The following NALCN variants were observed in gnomAD, a reference collection of about 807,000 sequenced individuals.
NALCN encodes the protein sodium leak channel NALCN.
Under a neutral mutation model 225.3 loss-of-function variants are expected in NALCN, and 111 were observed. The ratio of observed to expected loss-of-function variants is 0.49; its 90% confidence interval spans 0.42 to 0.58. The LOEUF (loss-of-function observed/expected upper bound fraction) is 0.58, where lower values mean the gene tolerates loss of function less well. Ranked by LOEUF, NALCN falls within the 20% of genes least tolerant of loss-of-function variation. The pLI is 0.00. For synonymous variants in NALCN, 764 were observed against 769.0 expected, an observed-to-expected ratio of 0.99 and a Z score of 0.11; for missense variants, 1,378 against 2,202.4, an observed-to-expected ratio of 0.63 and a Z score of 7.49.
At chr13:101,414,446 T>C (rs1028181475) in intron 1 of NALCN, among the ~76,000 whole-genome samples, 9 of 152,204 alleles carry the variant, frequency 5.9e-5, no homozygotes, top group Non-Finnish European at 1.0e-4. Flanking sequence ...GGGATAAATT[T>C]ATACAGCTAT....
At chr13:101,143,469 C>CTTTT (rs71292843) in intron 16 of NALCN, among the ~76,000 whole-genome samples, 3 of 147,252 alleles carry the variant, frequency 2.0e-5, no homozygotes, top group Non-Finnish European at 3.0e-5. Context: ...TTTTTTGAAT[C>CTTTT]TTTTTTTTTT....
chr13:101,188,371 A>G lies in NALCN; in HGVS notation c.1764+3546T>C, dbSNP rs550861241. ...TAAGGAGGGAAACACATGACCATGT[A>G]TAACTTGGCCCCAGCATGGACTTAT... On this transcript the variant is annotated intron_variant, in intron 14 of 43. Coordinates refer to ENST00000251127, the MANE Select transcript of NALCN (RefSeq NM_052867.4). 3.6e-3 allele frequency among the ~76,000 whole-genome samples: 546 copies of G among 152,268 alleles called. 3 individuals carry two copies. The highest frequency in any genetic ancestry group is 7.0e-3 in the Admixed American group (107 of 15,288).
intron 27 of NALCN, among the ~76,000 whole-genome samples, chr13:101,098,624 A>G (rs1182035994): frequency 6.6e-6 from 1 of 152,176 alleles, no homozygotes; most frequent in Non-Finnish European, 1.5e-5. Context: ...GCAGCAACTG[A>G]AGCTTCGTTG....
At chr13:101,235,392 C>A (rs958105833) in intron 12 of NALCN, among the ~76,000 whole-genome samples, 8 of 152,072 alleles carry the variant, frequency 5.3e-5, no homozygotes, top group African/African-American at 1.9e-4. Flanking sequence ...TAGGCAACAC[C>A]AATTTTCTTA....
intron 20 of NALCN, among the ~76,000 whole-genome samples, chr13:101,109,374 T>C (rs1362584430): frequency 4.6e-5 from 7 of 152,324 alleles, no homozygotes; most frequent in Non-Finnish European, 7.4e-5. Flanking sequence ...GGTGTTCTCA[T>C]TGCCAACTTC....
intron 1 of NALCN, among the ~76,000 whole-genome samples, chr13:101,399,405 A>G (rs1459541377): frequency 1.3e-5 from 2 of 152,226 alleles, no homozygotes; most frequent in Non-Finnish European, 2.9e-5. Context: ...TTTAGAGGCT[A>G]GCTATTTAGA....
rs200569383 is a variant in NALCN, at chr13:101,059,914, T to C, written c.4809A>G (p.Gln1603=). The part of the protein sequence containing the change: ...IIHSLRESQQ[Q]ELSRFLNPPS... ...GCGGGTTCAGAAACCGGCTCAGCTC[T>C]TGCTGCTGACTCTCTCTCAGGCTGT... Residue 1603 remains glutamine, a synonymous_variant, in exon 42 of 44, where the codon CAA becomes CAG. Coordinates refer to ENST00000251127, the MANE Select transcript of NALCN (RefSeq NM_052867.4). 2 of 1,614,120 alleles carry C rather than the reference T, an allele frequency of 1.2e-6. No homozygotes were observed. The highest frequency in any genetic ancestry group is 4.5e-5 in the East Asian group (2 of 44,864).
chr13:101,309,218 T>G (rs1566559412), intron 7 of NALCN, among the ~76,000 whole-genome samples: 2 of 152,176 alleles, frequency 1.3e-5, no homozygotes, highest in African/African-American at 4.8e-5. Context: ...GGCAAAGTCT[T>G]AAGAATAATA....
intron 7 of NALCN, among the ~76,000 whole-genome samples, chr13:101,309,381 G>C (rs187979483): frequency 1.0e-3 from 159 of 152,260 alleles, no homozygotes; most frequent in South Asian, 1.2e-3. Flanking sequence ...GCAAGTTTTT[G>C]CAAGTGCTTT....
At chr13:101,167,081 C>T (rs61974008) in intron 15 of NALCN, among the ~76,000 whole-genome samples, 36,788 of 152,030 alleles carry the variant, frequency 0.24, 5,229 homozygotes, top group Non-Finnish European at 0.32. Context: ...TATATGTGTG[C>T]CTTTATGCCA....
At chr13:101,198,397 C>G (rs1176342703) in intron 13 of NALCN, among the ~76,000 whole-genome samples, 1 of 152,168 alleles carries the variant, frequency 6.6e-6, no homozygotes, top group East Asian at 1.9e-4. Flanking sequence ...ACTCATCTGA[C>G]AAAGGGCTAA....
intron 13 of NALCN, among the ~76,000 whole-genome samples, chr13:101,227,898 G>A (rs2080323519): frequency 1.3e-5 from 2 of 152,218 alleles, no homozygotes. Context: ...CTGTTCCTGT[G>A]ATGGGAATCC....
intron 18 of NALCN, among the ~76,000 whole-genome samples, chr13:101,111,789 A>G (rs941279190): frequency 6.6e-6 from 1 of 152,080 alleles, no homozygotes; most frequent in African/African-American, 2.4e-5. Context: ...GTCTGCTATG[A>G]TTGTGAGGCC....
At chr13:101,193,003 A>T (rs1274137091) in intron 13 of NALCN, among the ~76,000 whole-genome samples, 1 of 152,140 alleles carries the variant, frequency 6.6e-6, no homozygotes, top group African/African-American at 2.4e-5. Context: ...AAAGTCCAGG[A>T]TAATGCAAGG....
intron 6 of NALCN, among the ~76,000 whole-genome samples, chr13:101,376,290 T>C (rs967960065): frequency 6.6e-6 from 1 of 152,168 alleles, no homozygotes; most frequent in Non-Finnish European, 1.5e-5. Context: ...ATTTGCTTAA[T>C]CTACTTTTCC....
At position 101,387,252 on chromosome 13, in the gene NALCN, A is replaced by AAAAAAAAAT. The variant is rs58578868; in HGVS notation, c.291+7930_291+7931insATTTTTTTT. On this transcript the variant is annotated intron_variant, in intron 3 of 43. Transcript: ENST00000251127. ...CAAAAAAAAAAAAAAAAAAAAAAAA[A>AAAAAAAAAT]AACAGGTTAGCATTTCGCAAATCAC... 4.3e-5 allele frequency among the ~76,000 whole-genome samples: 5 copies of AAAAAAAAAT among 116,778 alleles called. 1 individual carries two copies. Among genetic ancestry groups the AAAAAAAAAT allele is most frequent in the African/African-American group, 1.8e-4 (5 of 28,162 alleles). 76.6% of individuals were successfully genotyped at this position (116,778 alleles called of 152,430 possible). A position where few individuals can be genotyped will look rare whatever the true frequency, so the allele number is the denominator to read the frequency against.
chr13:101,366,224 C>T (rs540068896), intron 6 of NALCN, among the ~76,000 whole-genome samples: 3 of 152,256 alleles, frequency 2.0e-5, no homozygotes, highest in Admixed American at 1.3e-4. Context: ...CATTCATTAA[C>T]AGAGAAGAAT....
At chr13:101,345,531 T>A in intron 6 of NALCN, 111 bp from the exon 7 acceptor site, 1 of 1,201,964 alleles carries the variant, frequency 8.3e-7, no homozygotes, top group Non-Finnish European at 1.1e-6. Flanking sequence ...CAAGTGAGGT[T>A]GCTCATGCCT....
chr13:101,082,411 G>C (rs2033705587), intron 33 of NALCN, among the ~76,000 whole-genome samples: 1 of 152,112 alleles, frequency 6.6e-6, no homozygotes, highest in African/African-American at 2.4e-5. Flanking sequence ...GAATCTGCTT[G>C]TATTTCAGGA....
Sources: gnomAD v4.1 joint callset for allele counts (sites outside exome capture counted in the v4.1 genomes callset) on GRCh38, gnomAD v4.1.1 for gene constraint, MANE v1.5 for transcripts, NCBI Gene and HGNC (gene_info 2026-07-23, HGNC 2026-07-21) for gene names.